The following ASIC2 variants were observed in gnomAD, a reference collection of about 807,000 sequenced individuals.
ASIC2 encodes acid sensing ion channel subunit 2, also known as acid-sensing ion channel 2.
A neutral mutation model predicts 57.3 loss-of-function variants in ASIC2; 25 were observed. The ratio of observed to expected loss-of-function variants is 0.44; its 90% confidence interval spans 0.32 to 0.61. ASIC2 has a LOEUF of 0.61. Ranked by LOEUF, ASIC2 falls within the 20% of genes least tolerant of loss-of-function variation. ASIC2 has a pLI of 0.06. For synonymous variants in ASIC2, 319 were observed against 307.5 expected (o/e 1.04, Z -0.39); for missense variants, 641 against 738.1 (o/e 0.87, Z 1.52).
At chr17:33,316,014 T>C (rs1906630664) in intron 1 of ASIC2, among the ~76,000 whole-genome samples, 2 of 152,174 alleles carry the variant, frequency 1.3e-5, no homozygotes, top group Admixed American at 1.3e-4. Flanking sequence ...GTGCATTGAG[T>C]GAGCACACAG....
intron 1 of ASIC2, among the ~76,000 whole-genome samples, chr17:34,095,606 T>TA (rs1910490252): frequency 1.2e-4 from 9 of 72,660 alleles, no homozygotes; most frequent in South Asian, 1.1e-3. Flanking sequence ...GCAGGCAAAT[T>TA]TTATATATAT....
chr17:33,415,337 C>T (rs1910806107), intron 1 of ASIC2, among the ~76,000 whole-genome samples: 1 of 152,138 alleles, frequency 6.6e-6, no homozygotes, highest in Admixed American at 6.5e-5. Context: ...TCTAAATTAT[C>T]TCTAGATTGC....
At chr17:33,274,638 C>T (rs1454671622) in intron 1 of ASIC2, among the ~76,000 whole-genome samples, 1 of 128,584 alleles carries the variant, frequency 7.8e-6, no homozygotes, top group Non-Finnish European at 1.7e-5. Context: ...AATACCCATG[C>T]TTGGTTTGAC....
At chr17:33,216,722 A>G (rs1907501994) in intron 1 of ASIC2, among the ~76,000 whole-genome samples, 1 of 152,206 alleles carries the variant, frequency 6.6e-6, no homozygotes, top group South Asian at 2.1e-4. Context: ...CAGGGTTTTC[A>G]TTTTATTTGA....
At chr17:34,077,093 G>C (rs749075356) in intron 1 of ASIC2, among the ~76,000 whole-genome samples, 13 of 152,202 alleles carry the variant, frequency 8.5e-5, no homozygotes, top group Non-Finnish European at 1.9e-4. Flanking sequence ...GTGAGTAAGG[G>C]AGTACCTGGG....
intron 1 of ASIC2, among the ~76,000 whole-genome samples, chr17:34,043,453 T>G (rs148120517): frequency 2.6e-5 from 4 of 152,106 alleles, no homozygotes; most frequent in African/African-American, 9.7e-5. Context: ...TAGCCAGGAG[T>G]AGATGCCTAG....
chr17:33,482,992 G>A (rs12453657), intron 1 of ASIC2, among the ~76,000 whole-genome samples: 30,994 of 152,220 alleles, frequency 0.2, 3,864 homozygotes, highest in Non-Finnish European at 0.28. Context: ...TAAGTGACTA[G>A]GAAGGACAGA....
chr17:34,035,575 T>A (rs1197415377), intron 1 of ASIC2, among the ~76,000 whole-genome samples: 1 of 151,824 alleles, frequency 6.6e-6, no homozygotes, highest in African/African-American at 2.4e-5. Flanking sequence ...CAAAAGAAAC[T>A]ACCATCGGAG....
chr17:33,641,342 C>T (rs1906557318), intron 1 of ASIC2, among the ~76,000 whole-genome samples: 1 of 152,228 alleles, frequency 6.6e-6, no homozygotes, highest in Non-Finnish European at 1.5e-5. Flanking sequence ...TGAACATCCG[C>T]ACACAGCACA....
chr17:33,485,248 C>A (rs932364990), intron 1 of ASIC2, among the ~76,000 whole-genome samples: 1 of 152,192 alleles, frequency 6.6e-6, no homozygotes, highest in Non-Finnish European at 1.5e-5. Flanking sequence ...GGATAAAGGG[C>A]CTAGGGAATG....
intron 1 of ASIC2, among the ~76,000 whole-genome samples, chr17:33,925,121 A>G (rs1401086191): frequency 6.6e-6 from 1 of 152,222 alleles, no homozygotes; most frequent in African/African-American, 2.4e-5. Context: ...TTTCCAGTGC[A>G]TGGGCAGAGA....
chr17:33,448,394 G>A (rs907511361), intron 1 of ASIC2, among the ~76,000 whole-genome samples: 36 of 152,254 alleles, frequency 2.4e-4, no homozygotes, highest in African/African-American at 8.7e-4. Context: ...GAAAGATTTT[G>A]CATATATGAA....
chr17:33,626,088 T>C (rs1353743364), intron 1 of ASIC2, among the ~76,000 whole-genome samples: 1 of 152,224 alleles, frequency 6.6e-6, no homozygotes, highest in Non-Finnish European at 1.5e-5. Context: ...ACTCACATTA[T>C]CTCTTTTGGC....
chr17:33,224,686 C>T (rs1907813831), intron 1 of ASIC2, among the ~76,000 whole-genome samples: 2 of 152,150 alleles, frequency 1.3e-5, no homozygotes. Context: ...TGGACGCACA[C>T]CTTGTTCCAT....
chr17:33,321,171 C>A (rs1238183013), intron 1 of ASIC2, among the ~76,000 whole-genome samples: 1 of 152,156 alleles, frequency 6.6e-6, no homozygotes, highest in Admixed American at 6.5e-5. Context: ...TATCTCAGCA[C>A]CTAGCACATA....
At chr17:33,229,286 C>T (rs937340268) in intron 1 of ASIC2, among the ~76,000 whole-genome samples, 6 of 152,124 alleles carry the variant, frequency 3.9e-5, no homozygotes, top group Admixed American at 2.0e-4. Flanking sequence ...CCTGGCTTAT[C>T]CAGGGTTCAT....
Position 33,630,044 on chromosome 17 carries a change from C to T in ASIC2, c.556-517977G>A, listed in dbSNP as rs1906110791. Among the ~76,000 whole-genome samples the T allele has an allele frequency of 4.6e-5, 7 of 152,110 alleles. No homozygotes were observed. In the South Asian group the frequency reaches 1.2e-3, roughly 27 times the overall value. ...TTGCCCTGTTAAGCCCTTTATGGGA[C>T]CAGGTCTCTCTAGGCCCACCAGCGG... On this transcript the variant is annotated intron_variant, in intron 1 of 9. Transcript: ENST00000359872.
At chr17:34,116,172 A>G (rs1911419279) in intron 1 of ASIC2, among the ~76,000 whole-genome samples, 1 of 152,180 alleles carries the variant, frequency 6.6e-6, no homozygotes, top group Non-Finnish European at 1.5e-5. Context: ...TCTCAATTCA[A>G]TGGGCAAGGT....
intron 1 of ASIC2, among the ~76,000 whole-genome samples, chr17:34,105,480 C>CTTTTTTTTTTTTTTT (rs11305436): frequency 8.1e-6 from 1 of 122,882 alleles, no homozygotes; most frequent in Non-Finnish European, 1.7e-5. Context: ...TTTCATCTAC[C>CTTTTTTTTTTTTTTT]TTTTTTTTTT....
Sources: gnomAD v4.1 joint callset for allele counts (sites outside exome capture counted in the v4.1 genomes callset) on GRCh38, gnomAD v4.1.1 for gene constraint, MANE v1.5 for transcripts, NCBI Gene and HGNC (gene_info 2026-07-23, HGNC 2026-07-21) for gene names.